The following SCP2 variants were observed in gnomAD, a reference collection of about 807,000 sequenced individuals.
SCP2 encodes SCP-2/3-oxoacyl-CoA thiolase.
In SCP2, 48 loss-of-function variants were observed where a neutral mutation model predicts 71.4. The ratio of observed to expected loss-of-function variants is 0.67; its 90% CI spans 0.53 to 0.86. The LOEUF is 0.86. Ranked by LOEUF, SCP2 falls within the 40% of genes least tolerant of loss-of-function variation. The probability of loss-of-function intolerance (pLI) is 0.00; values close to 1 mark genes in which losing one functional copy is unlikely to be tolerated. For synonymous variants in SCP2, 220 were observed against 218.1 expected (o/e 1.01, Z -0.08); for missense variants, 560 against 655.6 (o/e 0.85, Z 1.59).
At chr1:52,993,672 T>C (rs1295568525) in intron 11 of SCP2, 102 of 1,612,170 alleles carry the variant, frequency 6.3e-5, no homozygotes, top group Non-Finnish European at 8.2e-5. Context: ...GAATCTTCAT[T>C]GGTTGGATCA....
In SCP2 at chr1:52,941,662, G is replaced by C; in HGVS notation, c.70-134G>C. The C allele has an allele frequency of 5.4e-6, 3 of 554,260 alleles. No homozygotes were observed. The East Asian group carries it at 1.2e-4, about 21-fold the overall frequency. 34.3% of individuals were successfully genotyped at this position (554,260 alleles called of 1,614,324 possible). On this transcript the variant is annotated intron_variant, in intron 1 of 15. Coordinates refer to ENST00000371514, the MANE Select transcript of SCP2 (RefSeq NM_002979.5). ...AGCCAGGAGAATGGCTTGAACCCAG[G>C]AGGCAGAGGTTGCAGTGAGCCGAGA...
At chr1:52,982,832 C>G (rs1658656756) in intron 10 of SCP2, among the ~76,000 whole-genome samples, 1 of 152,132 alleles carries the variant, frequency 6.6e-6, no homozygotes, top group Non-Finnish European at 1.5e-5. Context: ...CAGTCATACA[C>G]TTAGATGTCT....
In SCP2 at chr1:53,038,819, GTATACTCA is replaced by G. The variant is rs1262790075; in HGVS notation, c.1339-94_1339-87del. 35 of 1,485,168 alleles carry G rather than the reference GTATACTCA, an allele frequency of 2.4e-5. 1 individual carries two copies. The South Asian group carries it at 3.8e-4, about 16-fold the overall frequency. The allele number at this position is 1,485,168 out of a possible 1,614,324, so 92.0% of individuals were successfully genotyped here. A position where few individuals can be genotyped will look rare whatever the true frequency, so the allele number is the denominator to read the frequency against. On this transcript the variant is annotated intron_variant, in intron 13 of 15. Transcript: ENST00000371514. The stretch of plus-strand genomic sequence containing the variant: ...GACCTTGGGGACCGCTCCCTGGCCC[GTATACTCA>G]TATCATGTATCTATTTAAACATGAA...
intron 3 of SCP2, among the ~76,000 whole-genome samples, chr1:52,949,243 G>A (rs560571260): frequency 2.6e-5 from 4 of 152,260 alleles, no homozygotes; most frequent in South Asian, 4.1e-4. Context: ...TTAAAGGGAT[G>A]CAGAATATAT....
At chr1:53,045,718 A>G (rs1034990511) in intron 14 of SCP2, among the ~76,000 whole-genome samples, 3 of 152,210 alleles carry the variant, frequency 2.0e-5, no homozygotes, top group African/African-American at 7.2e-5. Context: ...ACAATTAACA[A>G]TAAACAATAA....
chr1:52,987,697 G>T (rs934280587), intron 10 of SCP2, among the ~76,000 whole-genome samples: 2 of 152,074 alleles, frequency 1.3e-5, no homozygotes, highest in African/African-American at 4.8e-5. Flanking sequence ...GCAAAATTAT[G>T]CATTTTTAAA....
At chr1:52,976,581 G>C in intron 7 of SCP2, 102 bp from the exon 8 acceptor site, 1 of 738,890 alleles carries the variant, frequency 1.4e-6, no homozygotes, top group Admixed American at 2.0e-5. Context: ...TCTGTCTTCT[G>C]GTTGTGAAAA....
intron 1 of SCP2, among the ~76,000 whole-genome samples, chr1:52,931,456 T>C (rs1653141942): frequency 6.6e-6 from 1 of 152,168 alleles, no homozygotes; most frequent in Non-Finnish European, 1.5e-5. Flanking sequence ...ACTGAACAGA[T>C]GAAGAGGCTC....
intron 11 of SCP2, among the ~76,000 whole-genome samples, chr1:53,001,390 G>C (rs1431590702): frequency 1.3e-5 from 2 of 152,198 alleles, no homozygotes; most frequent in East Asian, 3.9e-4. Context: ...GCACAAAGAG[G>C]AAGCATGTTT....
In SCP2 at chr1:52,976,716, T is replaced by G. The variant is rs780353941; in HGVS notation, c.621T>G (p.Asp207Glu). The G allele has an allele frequency of 6.4e-7, 1 of 1,566,510 alleles. No individual in the cohort carries two copies. Among genetic ancestry groups the G allele is most frequent in the Admixed American group, 1.7e-5 (1 of 59,956 alleles). ...YSQFQDEYSL[D>E]EVMASKEVFD... ...AGTTCCAAGATGAATACAGTTTAGA[T>G]GAAGTGATGGCATCTAAAGAAGTTT... Residue 207 changes from aspartate to glutamate, a missense_variant, in exon 8 of 16, where the codon GAT becomes GAG. Physicochemically the swap from Asp to Glu is conservative, Grantham distance 45 (BLOSUM62 2). Coordinates refer to ENST00000371514, the MANE Select transcript of SCP2 (RefSeq NM_002979.5).
rs771433635 is a variant in SCP2, at chr1:52,934,592, C to CTTTTTTTTTTTTTTTTT, written c.69+7149_69+7165dup. ...GTTTCAAATTCTACATTCCAGCTAA[C>CTTTTTTTTTTTTTTTTT]TTTTTTTTTTTTTTTTTTTTTTTTT... On this transcript the variant is annotated intron_variant, in intron 1 of 15. Transcript: ENST00000371514. Among the ~76,000 whole-genome samples, 9 of 29,058 alleles carry CTTTTTTTTTTTTTTTTT rather than the reference C, an allele frequency of 3.1e-4. 2 individuals carry two copies. Among genetic ancestry groups the CTTTTTTTTTTTTTTTTT allele is most frequent in the Admixed American group, 6.5e-4 (1 of 1,548 alleles). The allele number at this position is 29,058 out of a possible 152,430, so 19.1% of individuals were successfully genotyped here. A position where few individuals can be genotyped will look rare whatever the true frequency, so the allele number is the denominator to read the frequency against.
At chr1:53,001,767 C>A (rs1660332847) in intron 11 of SCP2, among the ~76,000 whole-genome samples, 1 of 152,222 alleles carries the variant, frequency 6.6e-6, no homozygotes, top group Non-Finnish European at 1.5e-5. Context: ...TCCTGTTTCA[C>A]TGATTCTTTC....
intron 11 of SCP2, chr1:52,996,041 C>A: frequency 7.9e-7 from 1 of 1,268,006 alleles, no homozygotes; most frequent in Non-Finnish European, 1.0e-6. Flanking sequence ...GAGCCCCCAT[C>A]GCCTCAGGCT....
At chr1:53,015,773 T>A (rs758728118) in intron 12 of SCP2, among the ~76,000 whole-genome samples, 11 of 152,192 alleles carry the variant, frequency 7.2e-5, no homozygotes, top group Non-Finnish European at 1.6e-4. Flanking sequence ...TGATGAGCCT[T>A]TTATGTTGAG....
chr1:52,967,120 G>A lies in SCP2; in HGVS notation c.523+5491G>A, dbSNP rs189453438. On this transcript the variant is annotated intron_variant, in intron 6 of 15. Transcript: ENST00000371514. ...CAGGAAAATCGGTTGAACCTGGGAG[G>A]TGGAGGTTGCAGTGAGCCGAGATTG... is the stretch of plus-strand genomic sequence containing the variant. Among the ~76,000 whole-genome samples, 74 of 152,220 alleles carry A rather than the reference G, an allele frequency of 4.9e-4. 1 individual carries two copies. The East Asian group carries it at 0.014, about 28-fold the overall frequency.
intron 13 of SCP2, among the ~76,000 whole-genome samples, chr1:53,029,197 ATTCTC>A (rs770507042): frequency 1.6e-4 from 25 of 152,266 alleles, no homozygotes; most frequent in Non-Finnish European, 2.8e-4. Context: ...AAAGAAAGTT[ATTCTC>A]TTCACGCAAA....
chr1:52,970,314 A>G (rs1279228832), intron 6 of SCP2, among the ~76,000 whole-genome samples: 2 of 152,016 alleles, frequency 1.3e-5, no homozygotes, highest in East Asian at 1.9e-4. Flanking sequence ...TTTAGGTGCA[A>G]TCATGGTGCA....
rs76794662 is a variant in SCP2 at position 52,973,015 on chromosome 1, C to T, written c.524-1754C>T. ...TATTCTGATCCATCCTATTGATAGA[C>T]CTTGTTGAAATTCAACATTATAGCA... On this transcript the variant is annotated intron_variant, in intron 6 of 15. Transcript: ENST00000371514. Among the ~76,000 whole-genome samples the T allele has an allele frequency of 1.1e-4, 16 of 152,306 alleles. No individual in the cohort carries two copies. In the East Asian group the frequency reaches 3.1e-3, roughly 29 times the overall value.
intron 12 of SCP2, among the ~76,000 whole-genome samples, chr1:53,025,178 T>G (rs1662034876): frequency 6.6e-6 from 1 of 152,174 alleles, no homozygotes; most frequent in African/African-American, 2.4e-5. Flanking sequence ...TGGCAGCATT[T>G]GACAGTTTGC....
Sources: allele counts gnomAD v4.1 joint callset (sites outside exome capture counted in the v4.1 genomes callset), GRCh38; gene constraint gnomAD v4.1.1; transcripts MANE v1.5; gene names NCBI Gene and HGNC (gene_info 2026-07-23, HGNC 2026-07-21).